Variants in TSPAN9 observed in about 807,000 individuals in gnomAD.
TSPAN9 encodes the protein tetraspanin 9.
In TSPAN9, 16 loss-of-function variants were observed where a neutral mutation model predicts 31.0. The observed-to-expected ratio is 0.52, with a 90% CI of 0.35 to 0.78. The LOEUF is 0.78. TSPAN9 is among the 30% of genes least tolerant of loss of function. The pLI is 0.01. For synonymous variants in TSPAN9, 145 were observed against 121.6 expected, an observed-to-expected ratio of 1.19 and a Z score of -1.27; for missense variants, 272 against 312.5, an observed-to-expected ratio of 0.87 and a Z score of 0.98.
chr12:3,218,541 G>A (rs1181748066), intron 3 of TSPAN9, among the ~76,000 whole-genome samples: 3 of 152,228 alleles, frequency 2.0e-5, no homozygotes, highest in Non-Finnish European at 4.4e-5. Flanking sequence ...CAGGGGTGAT[G>A]GCGGTAGGAG....
chr12:3,264,612 G>T (rs1346610975), intron 3 of TSPAN9, among the ~76,000 whole-genome samples: 1 of 152,224 alleles, frequency 6.6e-6, no homozygotes, highest in Non-Finnish European at 1.5e-5. Context: ...TGGGGCCGGG[G>T]CAGTGCGGGC....
intron 2 of TSPAN9, among the ~76,000 whole-genome samples, chr12:3,149,377 A>G (rs1343671581): frequency 2.6e-5 from 4 of 152,232 alleles, no homozygotes; most frequent in Admixed American, 2.6e-4. Flanking sequence ...TTCTGCAGCC[A>G]GATACATGCC....
chr12:3,103,355 G>A (rs1266582191), intron 2 of TSPAN9, among the ~76,000 whole-genome samples: 1 of 152,142 alleles, frequency 6.6e-6, no homozygotes, highest in Non-Finnish European at 1.5e-5. Flanking sequence ...TTCTTATGTT[G>A]GTTATCTTTC....
At chr12:3,281,028 G>T (rs1862882218) in intron 6 of TSPAN9, among the ~76,000 whole-genome samples, 170 bp from the exon 7 acceptor site, 1 of 152,160 alleles carries the variant, frequency 6.6e-6, no homozygotes, top group Admixed American at 6.5e-5. Context: ...TCTCCAGTGG[G>T]CCCGGCTGAA....
At chr12:3,240,719 A>T (rs1051913078) in intron 3 of TSPAN9, among the ~76,000 whole-genome samples, 1 of 152,202 alleles carries the variant, frequency 6.6e-6, no homozygotes, top group Non-Finnish European at 1.5e-5. Flanking sequence ...TCTCTGCTGC[A>T]CTGTGGTGTT....
chr12:3,097,695 T>C (rs1051509904), intron 2 of TSPAN9, among the ~76,000 whole-genome samples: 6 of 151,924 alleles, frequency 3.9e-5, no homozygotes, highest in African/African-American at 1.5e-4. Context: ...GAGGAATGGC[T>C]CCCCCCGCAA....
Position 3,278,581 on chromosome 12 carries a change from C to A in TSPAN9, c.224C>A (p.Ala75Asp). Reference protein sequence around the residue: ...MVTGFLGCLGAIKENKCLLLS... With the variant: ...MVTGFLGCLGDIKENKCLLLS... ...ACGGGCTTCCTCGGCTGCCTGGGGG[C>A]CATCAAGGAAAACAAGTGCCTCCTC... The change falls in exon 4 of 9, where the codon GCC becomes GAC. Residue 75 changes from alanine (A) to aspartate (D), a missense_variant. Ala to Asp is a moderately radical substitution (Grantham distance 126). Coordinates refer to ENST00000011898, the MANE Select transcript of TSPAN9 (RefSeq NM_006675.5). 1 of 1,614,134 alleles carries A rather than the reference C, an allele frequency of 6.2e-7. No individual in the cohort carries two copies. Among genetic ancestry groups the A allele is most frequent in the Admixed American group, 1.7e-5 (1 of 60,020 alleles).
intron 3 of TSPAN9, among the ~76,000 whole-genome samples, chr12:3,266,312 A>G (rs1209748705): frequency 2.0e-5 from 3 of 152,182 alleles, no homozygotes; most frequent in African/African-American, 7.2e-5. Context: ...GTGTTCTGTC[A>G]TCTGCAAAAT....
chr12:3,257,097 C>T (rs984581363), intron 3 of TSPAN9, among the ~76,000 whole-genome samples: 5 of 152,110 alleles, frequency 3.3e-5, no homozygotes, highest in African/African-American at 9.7e-5. Flanking sequence ...AAGTTTCCAG[C>T]GACTCTTGTA....
At position 3,280,531 on chromosome 12, in the gene TSPAN9, C is replaced by T. The variant is rs771141053; in HGVS notation, c.432+48C>T. ...GGGGCCAGGCAGGGAGGAGGGGTGGCGGCCGGTACTTCTAGCTGCCTTCCC... is the reference window on the plus strand; with the variant it reads ...GGGGCCAGGCAGGGAGGAGGGGTGGTGGCCGGTACTTCTAGCTGCCTTCCC... On this transcript the variant is annotated intron_variant, in intron 6 of 8. Transcript: ENST00000011898. This position sits in a 1 kb window ranked among gnomAD's most constrained non-coding sequence, Gnocchi z 4.5. The T allele has an allele frequency of 2.0e-5, 31 of 1,549,418 alleles. No homozygotes were observed. Among genetic ancestry groups the T allele is most frequent in the Non-Finnish European group, 2.3e-5 (26 of 1,136,836 alleles).
At chr12:3,105,643 C>T (rs963538862) in intron 2 of TSPAN9, among the ~76,000 whole-genome samples, 8 of 151,344 alleles carry the variant, frequency 5.3e-5, no homozygotes, top group South Asian at 4.3e-4. Context: ...GTCTGAATCC[C>T]GGTGGGGTGA....
At chr12:3,211,324 T>C (rs2098378581) in intron 3 of TSPAN9, among the ~76,000 whole-genome samples, 1 of 152,244 alleles carries the variant, frequency 6.6e-6, no homozygotes, top group African/African-American at 2.4e-5. Flanking sequence ...TCTTTTCCAC[T>C]GGACTGTTTG....
intron 2 of TSPAN9, among the ~76,000 whole-genome samples, chr12:3,158,261 T>A (rs972242415): frequency 1.3e-5 from 2 of 152,202 alleles, no homozygotes; most frequent in African/African-American, 4.8e-5. Context: ...TCTGTGGAAG[T>A]GGCTGTTCAG....
intron 3 of TSPAN9, among the ~76,000 whole-genome samples, chr12:3,245,592 G>C (rs618933): frequency 0.83 from 125,831 of 152,204 alleles, 52,406 homozygotes; most frequent in East Asian, 1. Context: ...TGCCTGCCCC[G>C]TGTCCTCTCT....
rs74057544 is a variant in TSPAN9, at chr12:3,107,672, G to A, written c.-18+23953G>A. The stretch of plus-strand genomic sequence containing the variant: ...GCTGCTGCAAGGACCTTTAGGTCAC[G>A]CCCAGAGACAGCCTTTTGCTTCAGT... On this transcript the variant is annotated intron_variant, in intron 2 of 8. Transcript: ENST00000011898. The surrounding 1 kb of genome is among the most constrained non-coding windows in gnomAD (Gnocchi z 4.1). 0.039 allele frequency among the ~76,000 whole-genome samples: 5,881 copies of A among 152,256 alleles called. 393 individuals carry two copies. Among genetic ancestry groups the A allele is most frequent in the African/African-American group, 0.13 (5,425 of 41,532 alleles).
chr12:3,211,861 G>A (rs1311745128), intron 3 of TSPAN9: 12 of 1,595,082 alleles, frequency 7.5e-6, no homozygotes, highest in Non-Finnish European at 1.7e-6. Flanking sequence ...GTTTCTTCTT[G>A]TGTTTCCTCT....
intron 2 of TSPAN9, among the ~76,000 whole-genome samples, chr12:3,162,364 T>C (rs542892388): frequency 3.3e-5 from 5 of 152,320 alleles, no homozygotes; most frequent in African/African-American, 7.2e-5. Context: ...GACAGTGCTG[T>C]ATGCAGCTGC....
intron 2 of TSPAN9, among the ~76,000 whole-genome samples, chr12:3,197,337 A>T (rs2098367553): frequency 6.6e-6 from 1 of 152,224 alleles, no homozygotes; most frequent in Non-Finnish European, 1.5e-5. Flanking sequence ...GACAAAAGGC[A>T]TTAGCCATGC....
intron 2 of TSPAN9, among the ~76,000 whole-genome samples, chr12:3,155,335 G>A (rs548057140): frequency 6.6e-6 from 1 of 152,302 alleles, no homozygotes; most frequent in South Asian, 2.1e-4. Context: ...AAGTGAAACC[G>A]AAGGCGGGCT....
Sources: gnomAD v4.1 joint callset for allele counts (sites outside exome capture counted in the v4.1 genomes callset) on GRCh38, gnomAD v4.1.1 for gene constraint, Gnocchi (gnomAD v3.1) non-coding constraint, MANE v1.5 for transcripts, NCBI Gene and HGNC (gene_info 2026-07-23, HGNC 2026-07-21) for gene names.